MTMR4: variants seen among roughly 807,000 people sequenced by gnomAD.
MTMR4 encodes phosphatidylinositol-3,5-bisphosphate 3-phosphatase MTMR4.
A neutral mutation model predicts 125.5 loss-of-function variants in MTMR4; 30 were observed. That is an observed-to-expected ratio of 0.24 (90% CI 0.18 to 0.32). MTMR4 has a LOEUF of 0.32. MTMR4 is among the 10% of genes least tolerant of loss of function. The pLI is 1.00. For synonymous variants in MTMR4, 498 were observed against 564.5 expected, an observed-to-expected ratio of 0.88 and a Z score of 1.67; for missense variants, 1,039 against 1,511.5, an observed-to-expected ratio of 0.69 and a Z score of 5.18.
At chr17:58,501,152 T>G (rs1010943628) in intron 14 of MTMR4, among the ~76,000 whole-genome samples, 5 of 152,206 alleles carry the variant, frequency 3.3e-5, no homozygotes, top group Non-Finnish European at 7.3e-5. Context: ...TAATTTGGGA[T>G]GCTGGGCTTT....
At position 58,506,126 on chromosome 17, in the gene MTMR4, A is replaced by C. The variant is rs1598221627; in HGVS notation, c.1034-543T>G. On this transcript the variant is annotated intron_variant, in intron 9 of 17. Transcript: ENST00000682306. ...AATGATAGCAGTACTTAGAAAGACA[A>C]TATATAATCAATTCTCAATAAATAG... Among the ~76,000 whole-genome samples, 3 of 152,358 alleles carry C rather than the reference A, an allele frequency of 2.0e-5. No homozygotes were observed. In the South Asian group the frequency reaches 6.2e-4, roughly 32 times the overall value.
Position 58,514,561 on chromosome 17 carries a change from T to C in MTMR4, c.-154A>G. 1.0e-6 allele frequency: 1 copy of C among 984,938 alleles called. No homozygotes were observed. Among genetic ancestry groups the C allele is most frequent in the Non-Finnish European group, 1.2e-6 (1 of 829,820 alleles). The allele number at this position is 984,938 out of a possible 1,614,324, so 61.0% of individuals were successfully genotyped here. A position where few individuals can be genotyped will look rare whatever the true frequency, so the allele number is the denominator to read the frequency against. ...GCTGGTGGCCGGGCCTCCGCGCGGCTCCCGCGCGCCTCTCCCCTCCTCTCC... is the reference window on the plus strand; with the variant it reads ...GCTGGTGGCCGGGCCTCCGCGCGGCCCCCGCGCGCCTCTCCCCTCCTCTCC... On this transcript the variant is annotated 5_prime_UTR_variant, in exon 1 of 18. Transcript: ENST00000682306.
Position 58,507,714 on chromosome 17 carries a change from GACA to G in MTMR4, c.708-398_708-396del, listed in dbSNP as rs1000517834. Among the ~76,000 whole-genome samples the G allele has an allele frequency of 1.3e-4, 20 of 152,180 alleles. 1 individual carries two copies. Among genetic ancestry groups the G allele is most frequent in the African/African-American group, 4.1e-4 (17 of 41,442 alleles). ...AGCAAACATTTTCAGTAAAAAACCA[GACA>G]ACAATTTTTGGCCTTGTGGGTCACA... On this transcript the variant is annotated intron_variant, in intron 7 of 17. Transcript: ENST00000682306.
chr17:58,516,756 A>G, upstream of MTMR4: 1 of 747,174 alleles, frequency 1.3e-6, no homozygotes. Flanking sequence ...TCTCTCCACA[A>G]GTCACCATGC....
chr17:58,518,747 A>T (rs867105486), upstream of MTMR4, among the ~76,000 whole-genome samples: 5 of 152,290 alleles, frequency 3.3e-5, no homozygotes, highest in South Asian at 1.0e-3. Flanking sequence ...ACAGACCACA[A>T]GACGGAGGGT....
intron 14 of MTMR4, among the ~76,000 whole-genome samples, chr17:58,502,202 G>A (rs1975659260): frequency 6.8e-6 from 1 of 148,026 alleles, no homozygotes; most frequent in Non-Finnish European, 1.5e-5. Flanking sequence ...CTATTGCCCA[G>A]GCTGGAGTGC....
At position 58,512,788 on chromosome 17, in the gene MTMR4, A is replaced by G; in HGVS notation, c.135+64T>C. 1 of 1,402,986 alleles carries G rather than the reference A, an allele frequency of 7.1e-7. No homozygotes were observed. The highest frequency in any genetic ancestry group is 1.0e-6 in the Non-Finnish European group (1 of 996,238). The allele number at this position is 1,402,986 out of a possible 1,614,324, so 86.9% of individuals were successfully genotyped here. ...AGATGCCCTTGAGGATTTTTGGGAG[A>G]AGGGAGGGTGTTTTTTAACTGGGCA... On this transcript the variant is annotated intron_variant, in intron 2 of 17. Transcript: ENST00000682306. The surrounding 1 kb of genome is among the most constrained non-coding windows in gnomAD (Gnocchi z 4.1).
upstream of MTMR4, among the ~76,000 whole-genome samples, chr17:58,518,192 C>T (rs879772441): frequency 1.5e-3 from 233 of 152,360 alleles, no homozygotes; most frequent in Non-Finnish European, 4.1e-4. Context: ...GAGGGGGCTG[C>T]TGGCCACTGC....
At chr17:58,498,445 G>A (rs936170559) in intron 14 of MTMR4, among the ~76,000 whole-genome samples, 1 of 149,896 alleles carries the variant, frequency 6.7e-6, no homozygotes, top group Non-Finnish European at 1.5e-5. Flanking sequence ...AGAGAGGGTA[G>A]GATTTGAGAT....
In MTMR4 at chr17:58,512,604, G is replaced by T; in HGVS notation, c.136-98C>A. The T allele has an allele frequency of 1.9e-6, 2 of 1,045,676 alleles. No homozygotes were observed. Among genetic ancestry groups the T allele is most frequent in the Non-Finnish European group, 2.9e-6 (2 of 680,346 alleles). 64.8% of individuals were successfully genotyped at this position (1,045,676 alleles called of 1,614,324 possible). On this transcript the variant is annotated intron_variant, in intron 2 of 17. Transcript: ENST00000682306. The surrounding 1 kb of genome is among the most constrained non-coding windows in gnomAD (Gnocchi z 4.1). Reference sequence around the variant, plus strand: ...GTGGGATCCCCTCTGGAAAAGGTGGGCCAAGGCAAGAGAGGAGAGTTCTCT... The same window carrying T: ...GTGGGATCCCCTCTGGAAAAGGTGGTCCAAGGCAAGAGAGGAGAGTTCTCT...
intron 9 of MTMR4, 61 bp downstream of exon 9, chr17:58,506,682 C>T (rs1309084103): frequency 1.3e-6 from 2 of 1,590,608 alleles, no homozygotes; most frequent in Non-Finnish European, 1.7e-6. Context: ...CCCCCAACCC[C>T]CTCCTCACCA....
rs1336648859 is a variant in MTMR4 at position 58,499,627 on chromosome 17, G to GT, written c.1854-3298dup. ...TCCCTTTATTTCATTCATTTGTCCA[G>GT]TTTTTTTTTTTTTTGAGACAGTCTC... On this transcript the variant is annotated intron_variant, in intron 14 of 17. Transcript: ENST00000682306. Among the ~76,000 whole-genome samples the GT allele has an allele frequency of 5.4e-3, 767 of 142,832 alleles. 1 individual carries two copies. Among genetic ancestry groups the GT allele is most frequent in the Middle Eastern group, 0.022 (6 of 278 alleles). 93.7% of individuals were successfully genotyped at this position (142,832 alleles called of 152,430 possible). A position where few individuals can be genotyped will look rare whatever the true frequency, so the allele number is the denominator to read the frequency against.
upstream of MTMR4, chr17:58,514,883 C>T: frequency 3.7e-6 from 2 of 540,590 alleles, no homozygotes; most frequent in Non-Finnish European, 4.7e-6. Flanking sequence ...AAACCCATCC[C>T]CGCGCCCCCT....
rs547069551 is a variant in MTMR4, at chr17:58,503,518, C to T, written c.1853+226G>A. Among the ~76,000 whole-genome samples the T allele has an allele frequency of 2.4e-3, 368 of 151,960 alleles. 1 individual carries two copies. Among genetic ancestry groups the T allele is most frequent in the African/African-American group, 8.4e-3 (350 of 41,472 alleles). ...CAAAAAATTGGCTGGGCGTGGTGGT[C>T]GGTGCCTGTAATCCAAGCTACTCGG... On this transcript the variant is annotated intron_variant, in intron 14 of 17. Transcript: ENST00000682306.
At chr17:58,493,410 C>T (rs2143837210) in intron 15 of MTMR4, among the ~76,000 whole-genome samples, 1 of 152,364 alleles carries the variant, frequency 6.6e-6, no homozygotes, top group South Asian at 2.1e-4. Context: ...TGGAATGCAG[C>T]AGCATGATCA....
At chr17:58,507,470 G>C (rs1975808924) in intron 7 of MTMR4, 151 bp from the exon 8 acceptor site, 3 of 638,308 alleles carry the variant, frequency 4.7e-6, no homozygotes, top group Admixed American at 3.0e-5. Context: ...TCACTAGCAG[G>C]CTTCACCGTT....
intron 14 of MTMR4, among the ~76,000 whole-genome samples, chr17:58,501,928 G>T (rs1385308331): frequency 6.6e-6 from 1 of 151,684 alleles, no homozygotes; most frequent in Non-Finnish European, 1.5e-5. Context: ...GCATGGTGGC[G>T]CATGCCTGTA....
At chr17:58,499,867 T>C (rs2143868962) in intron 14 of MTMR4, among the ~76,000 whole-genome samples, 1 of 151,450 alleles carries the variant, frequency 6.6e-6, no homozygotes, top group Middle Eastern at 3.4e-3. Flanking sequence ...CCTGACCTCA[T>C]GATCCGCCCG....
upstream of MTMR4, among the ~76,000 whole-genome samples, chr17:58,516,771 G>A (rs1467076714): frequency 6.6e-6 from 1 of 152,248 alleles, no homozygotes. Context: ...CCATGCCAGA[G>A]AGAGGCAATG....
Sources: gnomAD v4.1 joint callset for allele counts (sites outside exome capture counted in the v4.1 genomes callset) on GRCh38, gnomAD v4.1.1 for gene constraint, Gnocchi (gnomAD v3.1) non-coding constraint, MANE v1.5 for transcripts, NCBI Gene and HGNC (gene_info 2026-07-23, HGNC 2026-07-21) for gene names.